The following SHISA9 variants were observed in gnomAD, a reference collection of about 807,000 sequenced individuals.
SHISA9 encodes the protein protein shisa-9.
SHISA9 carries 13 observed loss-of-function variants against 38.0 expected under a neutral mutation model. That is an observed-to-expected ratio of 0.34 (90% confidence interval 0.22 to 0.54). The LOEUF (loss-of-function observed/expected upper bound fraction) is 0.54, where lower values mean the gene tolerates loss of function less well. Ranked by LOEUF, SHISA9 falls within the 20% of genes least tolerant of loss-of-function variation. The pLI is 0.91. For missense variants in SHISA9, 538 were observed against 575.8 expected (o/e 0.93, Z 0.67); for synonymous variants, 275 against 242.0 (o/e 1.14, Z -1.27).
chr16:13,071,198 A>G (rs1041151589), intron 2 of SHISA9, among the ~76,000 whole-genome samples: 1 of 152,126 alleles, frequency 6.6e-6, no homozygotes, highest in Non-Finnish European at 1.5e-5. Context: ...TGTTTATTTT[A>G]CAATTTAAAA....
At chr16:13,509,619 C>G in the SHISA9 span, among the ~76,000 whole-genome samples, 1 of 152,182 alleles carries the variant, frequency 6.6e-6, no homozygotes, top group Non-Finnish European at 1.5e-5. Context: ...CCATGGATCT[C>G]AAGTATTTTC....
chr16:12,911,196 C>T, intron 1 of SHISA9: 1 of 956,974 alleles, frequency 1.0e-6, no homozygotes, highest in Non-Finnish European at 1.2e-6. Context: ...CAGGCCCCAC[C>T]TCCTGCTTAT....
chr16:13,289,127 T>C, the SHISA9 span, among the ~76,000 whole-genome samples: 4 of 152,134 alleles, frequency 2.6e-5, no homozygotes, highest in Non-Finnish European at 4.4e-5. Context: ...TGCATTGGCA[T>C]TGGAATGTCC....
chr16:12,943,095 T>C (rs1450646764), intron 2 of SHISA9, among the ~76,000 whole-genome samples: 1 of 152,024 alleles, frequency 6.6e-6, no homozygotes, highest in Non-Finnish European at 1.5e-5. Context: ...TGAAAACCCT[T>C]GGAAAGTCCA....
chr16:13,210,773 T>G (rs2051111451), intron 3 of SHISA9, among the ~76,000 whole-genome samples: 1 of 152,226 alleles, frequency 6.6e-6, no homozygotes, highest in Non-Finnish European at 1.5e-5. Flanking sequence ...CTTAGCATAG[T>G]TATTTCCCCA....
the SHISA9 span, among the ~76,000 whole-genome samples, chr16:13,468,940 A>AAAC: frequency 1.3e-5 from 2 of 151,738 alleles, no homozygotes; most frequent in East Asian, 1.9e-4. Flanking sequence ...TATATATATA[A>AAAC]AACAACAACA....
intron 2 of SHISA9, among the ~76,000 whole-genome samples, chr16:13,005,628 G>A (rs943524714): frequency 6.6e-6 from 1 of 152,122 alleles, no homozygotes; most frequent in Non-Finnish European, 1.5e-5. Flanking sequence ...GAAAATCTGG[G>A]TACCTTCTCA....
At position 12,901,932 on chromosome 16, in the gene SHISA9, C is replaced by G. The variant is rs543299378; in HGVS notation, c.-133C>G. 1.4e-4 allele frequency: 85 copies of G among 591,908 alleles called. No homozygotes were observed. In the African/African-American group the frequency reaches 1.5e-3, roughly 10 times the overall value. 36.7% of individuals were successfully genotyped at this position (591,908 alleles called of 1,614,324 possible). ...CCGCCGACCACCGAGCGCCCCGCGC[C>G]GCTCCCTGCATGTGCGGCCCGCGGC... On this transcript the variant is annotated 5_prime_UTR_variant, in exon 1 of 5. Transcript: ENST00000558583.
At chr16:13,382,270 G>C in the SHISA9 span, among the ~76,000 whole-genome samples, 4 of 152,164 alleles carry the variant, frequency 2.6e-5, no homozygotes, top group Non-Finnish European at 5.9e-5. Flanking sequence ...GCTCATGCCT[G>C]TAATCCCAGC....
chr16:13,453,782 G>A, the SHISA9 span, among the ~76,000 whole-genome samples: 2,898 of 152,288 alleles, frequency 0.019, 100 homozygotes, highest in African/African-American at 0.065. Flanking sequence ...AGAAGGCTTA[G>A]GTCTGGTTGG....
At chr16:13,444,982 C>CCATATATATA in the SHISA9 span, among the ~76,000 whole-genome samples, 3 of 106,246 alleles carry the variant, frequency 2.8e-5, no homozygotes, top group African/African-American at 1.0e-4. Context: ...CCATGCCTAG[C>CCATATATATA]TATATATATA....
the SHISA9 span, among the ~76,000 whole-genome samples, chr16:13,476,783 C>G: frequency 8.1e-6 from 1 of 122,726 alleles, no homozygotes; most frequent in Non-Finnish European, 1.6e-5. Flanking sequence ...GAGTCTCGCT[C>G]TGTCGCCCAG....
At chr16:13,202,341 C>A (rs1320574904) in intron 2 of SHISA9, among the ~76,000 whole-genome samples, 1 of 132,004 alleles carries the variant, frequency 7.6e-6, no homozygotes, top group Non-Finnish European at 1.6e-5. Flanking sequence ...CTTCCACCTT[C>A]CACCACACTG....
the SHISA9 span, among the ~76,000 whole-genome samples, chr16:13,362,266 A>T: frequency 2.6e-5 from 4 of 151,584 alleles, no homozygotes; most frequent in African/African-American, 9.7e-5. Flanking sequence ...CAACAAAAAA[A>T]ACCCCACAAA....
Position 12,909,639 on chromosome 16 carries a change from A to G in SHISA9, c.563+7012A>G, listed in dbSNP as rs182492945. The G allele has an allele frequency of 1.9e-5, 19 of 980,880 alleles. No homozygotes were observed. In the East Asian group the frequency reaches 8.0e-4, roughly 41 times the overall value. The allele number at this position is 980,880 out of a possible 1,614,324, so 60.8% of individuals were successfully genotyped here. A position where few individuals can be genotyped will look rare whatever the true frequency, so the allele number is the denominator to read the frequency against. On this transcript the variant is annotated intron_variant, in intron 1 of 4. Coordinates refer to ENST00000558583, the MANE Select transcript of SHISA9 (RefSeq NM_001145204.3). ...GGTCCCTCCTCATCACCAGGGTCCC[A>G]GCTCCAATGTCATCTTCTCTGAGAA... is the stretch of plus-strand genomic sequence containing the variant.
At chr16:13,371,493 A>T in the SHISA9 span, among the ~76,000 whole-genome samples, 3 of 152,216 alleles carry the variant, frequency 2.0e-5, no homozygotes, top group African/African-American at 7.2e-5. Flanking sequence ...GGGTGGAGCC[A>T]CTGAGTGATT....
chr16:13,415,480 T>C, the SHISA9 span, among the ~76,000 whole-genome samples: 4 of 152,072 alleles, frequency 2.6e-5, no homozygotes, highest in African/African-American at 9.7e-5. Context: ...AAATAAGTAA[T>C]AGGGGTATTA....
In SHISA9 at chr16:12,934,837, A is replaced by G. The variant is rs573222360; in HGVS notation, c.691+18022A>G. On this transcript the variant is annotated intron_variant, in intron 2 of 4. Transcript: ENST00000558583. ...TTTGTGTCAGGAAATTTTGGTTACA[A>G]GCAACAAAAGTCAATTCTTCTTCAG... Among the ~76,000 whole-genome samples the G allele has an allele frequency of 2.6e-5, 4 of 152,334 alleles. No individual in the cohort carries two copies. In the South Asian group the frequency reaches 8.3e-4, roughly 32 times the overall value.
At chr16:13,213,126 C>G in intron 3 of SHISA9, 127 bp from the exon 4 acceptor site, 1 of 721,630 alleles carries the variant, frequency 1.4e-6, no homozygotes, top group Non-Finnish European at 2.4e-6. Flanking sequence ...TTCCCTGGGT[C>G]CCCTGAGGCC....
Sources: gnomAD v4.1 joint callset for allele counts (sites outside exome capture counted in the v4.1 genomes callset) on GRCh38, gnomAD v4.1.1 for gene constraint, MANE v1.5 for transcripts, NCBI Gene and HGNC (gene_info 2026-07-23, HGNC 2026-07-21) for gene names.